The following LTAP1 variants were observed in gnomAD, a reference collection of about 807,000 sequenced individuals.
LTAP1 encodes lipid transport auxiliary protein 1.
At chr1:154,207,319 TG>T in the LTAP1 span, 2 of 782,706 alleles carry the variant, frequency 2.6e-6, no homozygotes, top group Non-Finnish European at 4.3e-6. Flanking sequence ...CTAAGAACTC[TG>T]GATACAACGG....
At chr1:154,220,184 C>G in the LTAP1 span, 11 of 963,090 alleles carry the variant, frequency 1.1e-5, no homozygotes, top group Non-Finnish European at 1.8e-5. Flanking sequence ...GTCGGCCCGA[C>G]TAAGTGACTT....
At chr1:154,213,819 A>C in the LTAP1 span, 135 of 1,230,034 alleles carry the variant, frequency 1.1e-4, 1 homozygote, top group Middle Eastern at 1.6e-3. Flanking sequence ...CCTAACATAC[A>C]AAGTGGGTTC....
the LTAP1 span, among the ~76,000 whole-genome samples, chr1:154,213,029 G>A: frequency 6.6e-6 from 1 of 152,104 alleles, no homozygotes; most frequent in African/African-American, 2.4e-5. Flanking sequence ...TAATGAAGCT[G>A]GGCGCAGTGG....
At chr1:154,219,962 T>C in the LTAP1 span, 4 of 1,552,460 alleles carry the variant, frequency 2.6e-6, no homozygotes, top group Non-Finnish European at 3.5e-6. Context: ...GTAAAAATCC[T>C]TTAATAAAAA....
the LTAP1 span, chr1:154,214,405 T>C: frequency 8.3e-7 from 1 of 1,205,380 alleles, no homozygotes; most frequent in Non-Finnish European, 1.2e-6. Context: ...AGAAAAGGAA[T>C]TCTGGACTTG....
chr1:154,211,694 G>C, the LTAP1 span: 2 of 152,644 alleles, frequency 1.3e-5, no homozygotes, highest in Non-Finnish European at 2.9e-5. Flanking sequence ...CTGAGACTCT[G>C]AAGAGAAGGA....
At chr1:154,214,323 G>T in the LTAP1 span, 1 of 670,290 alleles carries the variant, frequency 1.5e-6, no homozygotes, top group Non-Finnish European at 2.7e-6. Flanking sequence ...CTAATAAATG[G>T]GCTCTGCATC....
the LTAP1 span, among the ~76,000 whole-genome samples, chr1:154,210,807 C>T: frequency 1.3e-5 from 2 of 150,458 alleles, 1 homozygote; most frequent in South Asian, 4.2e-4. Context: ...GCTTTCCTTT[C>T]TCGCCAAGAA....
At chr1:154,219,645 A>G in the LTAP1 span, among the ~76,000 whole-genome samples, 11 of 152,242 alleles carry the variant, frequency 7.2e-5, no homozygotes, top group African/African-American at 2.7e-4. Context: ...GATGAGCCAC[A>G]TGCTTGCCAC....
At chr1:154,220,027 A>C in the LTAP1 span, 1 of 1,132,408 alleles carries the variant, frequency 8.8e-7, no homozygotes, top group Non-Finnish European at 1.3e-6. Context: ...CCAAATCCCC[A>C]GATTCCGGCT....
chr1:154,210,641 G>A, the LTAP1 span, among the ~76,000 whole-genome samples: 3 of 151,836 alleles, frequency 2.0e-5, no homozygotes, highest in Non-Finnish European at 4.4e-5. Context: ...CATCATGCCC[G>A]GCTAATTTTT....
chr1:154,208,027 G>A, the LTAP1 span, among the ~76,000 whole-genome samples: 2 of 152,050 alleles, frequency 1.3e-5, no homozygotes, highest in Admixed American at 6.6e-5. Flanking sequence ...CTTGAACCCA[G>A]GAGGCAGAGG....
chr1:154,218,096 A>G, the LTAP1 span, among the ~76,000 whole-genome samples: 3 of 152,210 alleles, frequency 2.0e-5, no homozygotes, highest in African/African-American at 7.2e-5. Context: ...CACTCAGCCT[A>G]TATAATAATT....
At chr1:154,216,491 T>C in the LTAP1 span, among the ~76,000 whole-genome samples, 1 of 151,306 alleles carries the variant, frequency 6.6e-6, no homozygotes, top group African/African-American at 2.4e-5. Flanking sequence ...CACACCACCA[T>C]GCATGGCTAA....
At chr1:154,219,317 A>T in the LTAP1 span, among the ~76,000 whole-genome samples, 1 of 152,220 alleles carries the variant, frequency 6.6e-6, no homozygotes, top group Non-Finnish European at 1.5e-5. Context: ...TCACCTAAGG[A>T]GAAAGTACAG....
the LTAP1 span, among the ~76,000 whole-genome samples, chr1:154,209,439 T>C: frequency 2.0e-5 from 3 of 150,724 alleles, no homozygotes; most frequent in Non-Finnish European, 4.4e-5. Flanking sequence ...TTTTTTTTTT[T>C]TTTTGAGACA....
the LTAP1 span, chr1:154,207,765 C>A: frequency 2.3e-6 from 2 of 872,160 alleles, no homozygotes; most frequent in Admixed American, 2.8e-5. Context: ...TCCTATCTGT[C>A]CTATTTTGTA....
chr1:154,220,076 G>C, the LTAP1 span: 2 of 820,106 alleles, frequency 2.4e-6, no homozygotes, highest in East Asian at 2.7e-5. Context: ...GGCAAAGCAA[G>C]GCCGTTATGA....
the LTAP1 span, among the ~76,000 whole-genome samples, chr1:154,218,259 C>T: frequency 1.3e-5 from 2 of 152,200 alleles, no homozygotes; most frequent in Admixed American, 6.5e-5. Context: ...GGTACATGTG[C>T]AATCTTACCA....
Sources: gnomAD v4.1 joint callset for allele counts (sites outside exome capture counted in the v4.1 genomes callset) on GRCh38, gnomAD v4.1.1 for gene constraint, MANE v1.5 for transcripts, NCBI Gene and HGNC (gene_info 2026-07-23, HGNC 2026-07-21) for gene names.